TOX2: variants seen among roughly 807,000 people sequenced by gnomAD.
The protein encoded by TOX2 is granulosa cell HMG box 1.
In TOX2, 15 loss-of-function variants were observed where a neutral mutation model predicts 47.4. The ratio of observed to expected loss-of-function variants is 0.32; its 90% CI spans 0.21 to 0.49. The LOEUF (loss-of-function observed/expected upper bound fraction) is 0.49, where lower values mean the gene tolerates loss of function less well. Ranked by LOEUF, TOX2 falls within the 20% of genes least tolerant of loss-of-function variation. The probability of loss-of-function intolerance (pLI) is 0.99; values close to 1 mark genes in which losing one functional copy is unlikely to be tolerated. For missense variants in TOX2, 622 were observed against 673.1 expected, an observed-to-expected ratio of 0.92 and a Z score of 0.84; for synonymous variants, 290 against 296.6, an observed-to-expected ratio of 0.98 and a Z score of 0.23.
Position 43,932,782 on chromosome 20 carries a change from C to CG in TOX2, c.99+17792_99+17793insG, listed in dbSNP as rs199581745. Among the ~76,000 whole-genome samples, 12 of 140,474 alleles carry CG rather than the reference C, an allele frequency of 8.5e-5. No homozygotes were observed. In the East Asian group the frequency reaches 1.0e-3, roughly 12 times the overall value. The allele number at this position is 140,474 out of a possible 152,430, so 92.2% of individuals were successfully genotyped here. ...GTTGGAGAGGGGTTGCTGCCCCCCC[C>CG]CGCCATTTCTGACTGAGGGCAGGTC... On this transcript the variant is annotated intron_variant, in intron 1 of 8. Coordinates refer to ENST00000341197, the MANE Select transcript of TOX2 (RefSeq NM_001098797.2).
At chr20:43,973,913 G>C (rs1012139036) in intron 2 of TOX2, among the ~76,000 whole-genome samples, 1 of 152,184 alleles carries the variant, frequency 6.6e-6, no homozygotes, top group Non-Finnish European at 1.5e-5. Context: ...GAGAGCAGAA[G>C]GTCTTACTGG....
intron 1 of TOX2, among the ~76,000 whole-genome samples, chr20:43,943,910 T>C (rs993144856): frequency 7.9e-5 from 12 of 152,240 alleles, no homozygotes; most frequent in African/African-American, 2.9e-4. Context: ...TTTCATCTTC[T>C]TATAAATAAT....
intron 5 of TOX2, among the ~76,000 whole-genome samples, chr20:44,056,137 G>A (rs1409122306): frequency 6.6e-6 from 1 of 152,152 alleles, no homozygotes; most frequent in African/African-American, 2.4e-5. Flanking sequence ...GAGGGGCAAG[G>A]GTGCTGGGGT....
chr20:44,040,128 C>T (rs2071308809), intron 3 of TOX2, among the ~76,000 whole-genome samples: 1 of 152,140 alleles, frequency 6.6e-6, no homozygotes, highest in Non-Finnish European at 1.5e-5. Flanking sequence ...CTTCTGTGTC[C>T]CTCTCTTGTG....
intron 1 of TOX2, among the ~76,000 whole-genome samples, chr20:43,945,383 C>T (rs1390438869): frequency 1.3e-5 from 2 of 152,244 alleles, no homozygotes; most frequent in Non-Finnish European, 2.9e-5. Flanking sequence ...GTGTATTCAA[C>T]CAGACCCTGG....
At chr20:43,926,801 C>T (rs934172502) in intron 1 of TOX2, among the ~76,000 whole-genome samples, 16 of 152,216 alleles carry the variant, frequency 1.1e-4, no homozygotes, top group South Asian at 2.1e-4. Flanking sequence ...CCAGTCTCCT[C>T]GAAAGATTTG....
At chr20:43,986,256 A>AATGTATGTATGTATGTATGTATGT (rs11274396) in intron 2 of TOX2, among the ~76,000 whole-genome samples, 212 of 149,778 alleles carry the variant, frequency 1.4e-3, no homozygotes, top group Middle Eastern at 0.01. Flanking sequence ...AGCCTTTTAA[A>AATGTATGTATGTATGTATGTATGT]ATGTATGTAT....
intron 1 of TOX2, among the ~76,000 whole-genome samples, chr20:43,954,674 G>A (rs1307898955): frequency 1.3e-5 from 2 of 152,136 alleles, no homozygotes; most frequent in African/African-American, 4.8e-5. Context: ...ATTTCTCTGG[G>A]CACCTGGGCA....
chr20:43,933,910 G>C (rs2069288752), intron 1 of TOX2, among the ~76,000 whole-genome samples: 1 of 152,116 alleles, frequency 6.6e-6, no homozygotes, highest in Non-Finnish European at 1.5e-5. Context: ...GGATGGCCTT[G>C]AGGAGGGTGG....
At chr20:44,040,822 A>G (rs959590289) in intron 3 of TOX2, among the ~76,000 whole-genome samples, 3 of 152,106 alleles carry the variant, frequency 2.0e-5, no homozygotes, top group Non-Finnish European at 2.9e-5. Context: ...AGGAGAGACA[A>G]TTCTTTGCAC....
intron 3 of TOX2, among the ~76,000 whole-genome samples, chr20:44,030,058 C>T (rs1386785805): frequency 1.3e-5 from 2 of 152,138 alleles, no homozygotes; most frequent in African/African-American, 4.8e-5. Flanking sequence ...GAGTCCAGGC[C>T]ATTTCCACTG....
chr20:44,045,880 C>A (rs958060759), intron 3 of TOX2, among the ~76,000 whole-genome samples: 4 of 152,176 alleles, frequency 2.6e-5, no homozygotes, highest in Non-Finnish European at 4.4e-5. Flanking sequence ...AGCCCTAATA[C>A]AGAGTTCTAA....
chr20:44,015,100 C>T (rs781235745), intron 3 of TOX2, among the ~76,000 whole-genome samples: 4 of 151,824 alleles, frequency 2.6e-5, no homozygotes, highest in South Asian at 2.1e-4. Flanking sequence ...TTTTGTCTAA[C>T]GTCCCTCTGG....
At chr20:44,038,156 G>A (rs1368600555) in intron 3 of TOX2, among the ~76,000 whole-genome samples, 1 of 152,152 alleles carries the variant, frequency 6.6e-6, no homozygotes, top group East Asian at 1.9e-4. Flanking sequence ...AGCACTCTGG[G>A]GAGCTGAGGA....
intron 3 of TOX2, 46 bp downstream of exon 3, chr20:44,006,838 AG>A: frequency 4.4e-6 from 7 of 1,588,238 alleles, no homozygotes; most frequent in South Asian, 1.1e-5. Context: ...GACAGCAGGG[AG>A]GGGGTTGAGA....
At position 43,916,401 on chromosome 20, in the gene TOX2, C is replaced by A. The variant is rs187613935; in HGVS notation, c.99+1411C>A. ...GGGGAGCGGCTTCTGGCAAAGCCTC[C>A]CTGCAGTTCGCCAGGGGCAGCAAGC... is the stretch of plus-strand genomic sequence containing the variant. On this transcript the variant is annotated intron_variant, in intron 1 of 8. Coordinates refer to ENST00000341197, the MANE Select transcript of TOX2 (RefSeq NM_001098797.2). This position sits in a 1 kb window ranked among gnomAD's most constrained non-coding sequence, Gnocchi z 5.0. Among the ~76,000 whole-genome samples, 1 of 152,354 alleles carries A rather than the reference C, an allele frequency of 6.6e-6. No individual in the cohort carries two copies. The highest frequency in any genetic ancestry group is 2.4e-5 in the African/African-American group (1 of 41,586).
intron 2 of TOX2, 68 bp from the exon 3 acceptor site, chr20:44,006,467 TTGCTGTTATTGG>T (rs2070680682): frequency 6.6e-7 from 1 of 1,525,934 alleles, no homozygotes; most frequent in Non-Finnish European, 8.8e-7. Flanking sequence ...GTTATTATTG[TTGCTGTTATTGG>T]TGCTGTTGGG....
At chr20:43,970,348 A>T (rs932730613) in intron 1 of TOX2, among the ~76,000 whole-genome samples, 2 of 152,252 alleles carry the variant, frequency 1.3e-5, no homozygotes, top group African/African-American at 4.8e-5. Flanking sequence ...AGGAATATTC[A>T]TTCTGTCACC....
Position 43,992,863 on chromosome 20 carries a change from A to AG in TOX2, c.166-13684_166-13683insG, listed in dbSNP as rs1555837094. ...TGTAGGGTTTACAAAAAAAAAAAAA[A>AG]AAAGAAAAAATGGTGGAGGGCCAGA... On this transcript the variant is annotated intron_variant, in intron 2 of 8. Transcript: ENST00000341197. 2.5e-3 allele frequency among the ~76,000 whole-genome samples: 379 copies of AG among 150,002 alleles called. 2 individuals are homozygous for AG. The highest frequency in any genetic ancestry group is 7.3e-3 in the African/African-American group (298 of 41,054).
Sources: allele counts gnomAD v4.1 joint callset (sites outside exome capture counted in the v4.1 genomes callset), GRCh38; gene constraint gnomAD v4.1.1; non-coding constraint Gnocchi (gnomAD v3.1); transcripts MANE v1.5; gene names NCBI Gene and HGNC (gene_info 2026-07-23, HGNC 2026-07-21).